IQGAP1: variants seen among roughly 807,000 people sequenced by gnomAD.
The protein encoded by IQGAP1 is IQ motif containing GTPase activating protein 1, also known as ras GTPase-activating-like protein IQGAP1.
In IQGAP1, 66 loss-of-function variants were observed where a neutral mutation model predicts 215.6. The ratio of observed to expected loss-of-function variants is 0.31; its 90% CI spans 0.25 to 0.38. The LOEUF is 0.38. IQGAP1 is among the 10% of genes least tolerant of loss of function. IQGAP1 has a pLI of 1.00. For synonymous variants in IQGAP1, 772 were observed against 728.7 expected (o/e 1.06, Z -0.96); for missense variants, 1,712 against 1,997.1 (o/e 0.86, Z 2.72).
At chr15:90,486,301 A>G (rs1966125799) in intron 31 of IQGAP1, 169 bp downstream of exon 31, 1 of 543,614 alleles carries the variant, frequency 1.8e-6, no homozygotes, top group South Asian at 2.4e-5. Context: ...AACAACAACA[A>G]AAGCCCAGAT....
chr15:90,416,814 T>G (rs1028725966), intron 2 of IQGAP1, among the ~76,000 whole-genome samples: 8 of 152,146 alleles, frequency 5.3e-5, no homozygotes, highest in African/African-American at 1.9e-4. Context: ...CCTGACCTCA[T>G]GATCCACCTG....
intron 2 of IQGAP1, 136 bp from the exon 3 acceptor site, chr15:90,425,974 G>A: frequency 1.3e-6 from 1 of 786,760 alleles, no homozygotes; most frequent in Non-Finnish European, 1.9e-6. Flanking sequence ...AAGGATGTGT[G>A]TGGAACTGAT....
At chr15:90,401,960 T>C (rs755070992) in intron 2 of IQGAP1, among the ~76,000 whole-genome samples, 3 of 152,210 alleles carry the variant, frequency 2.0e-5, no homozygotes, top group East Asian at 3.9e-4. Flanking sequence ...AGGTCATATA[T>C]TGGAATTCAA....
In IQGAP1 at chr15:90,454,481, A is replaced by G; in HGVS notation, c.1541A>G (p.Glu514Gly). 1.9e-6 allele frequency: 3 copies of G among 1,612,252 alleles called. No homozygotes were observed. Among genetic ancestry groups the G allele is most frequent in the Non-Finnish European group, 2.5e-6 (3 of 1,179,354 alleles). ...GCTCAGGCACATGCAGAGAATAATG[A>G]ATTCATTACATGGAATGATATCCAA... ...LKAQAHAENNEFITWNDIQAC... is the reference protein window; with the variant it reads ...LKAQAHAENNGFITWNDIQAC... The change falls in exon 14 of 38, where the codon GAA becomes GGA. Residue 514 changes from glutamate (E) to glycine (G), a missense_variant. Physicochemically the swap from Glu to Gly is moderately conservative, Grantham distance 98. Coordinates refer to ENST00000268182, the MANE Select transcript of IQGAP1 (RefSeq NM_003870.4).
intron 22 of IQGAP1, 101 bp downstream of exon 22, chr15:90,474,234 T>C (rs1297371333): frequency 9.1e-7 from 1 of 1,101,892 alleles, no homozygotes; most frequent in Non-Finnish European, 1.3e-6. Flanking sequence ...AAGGCAAGGC[T>C]TGGGGGAGAG....
Position 90,454,451 on chromosome 15 carries a change from T to C in IQGAP1, c.1511T>C (p.Leu504Pro). 1 of 1,613,758 alleles carries C rather than the reference T, an allele frequency of 6.2e-7. No individual in the cohort carries two copies. Among genetic ancestry groups the C allele is most frequent in the Non-Finnish European group, 8.5e-7 (1 of 1,179,818 alleles). ...CQRYLDELMK[L>P]KAQAHAENNE... Reference sequence around the variant, plus strand: ...AGGTATCTCGATGAGTTGATGAAACTGAAGGCTCAGGCACATGCAGAGAAT... The same window carrying C: ...AGGTATCTCGATGAGTTGATGAAACCGAAGGCTCAGGCACATGCAGAGAAT... The change falls in exon 14 of 38, where the codon CTG becomes CCG. Residue 504 changes from leucine (L) to proline (P), a missense_variant. Around this residue, in one of 2 missense-constraint regions of IQGAP1, gnomAD observed 1,021 missense variants for 1,074.2 expected, o/e 0.95. Coordinates refer to ENST00000268182, the MANE Select transcript of IQGAP1 (RefSeq NM_003870.4).
intron 11 of IQGAP1, 111 bp from the exon 12 acceptor site, chr15:90,452,664 C>A (rs769530768): frequency 7.0e-6 from 9 of 1,282,704 alleles, no homozygotes; most frequent in African/African-American, 4.5e-5. Context: ...CCACTTCAAA[C>A]TTCATGGCTG....
chr15:90,450,582 A>T (rs1376717883), intron 11 of IQGAP1, among the ~76,000 whole-genome samples: 1 of 151,636 alleles, frequency 6.6e-6, no homozygotes, highest in Non-Finnish European at 1.5e-5. Context: ...ACAGTGTATG[A>T]GCCCTTTCTC....
At chr15:90,464,664 CA>C (rs1965806133) in intron 15 of IQGAP1, among the ~76,000 whole-genome samples, 1 of 152,062 alleles carries the variant, frequency 6.6e-6, no homozygotes, top group East Asian at 1.9e-4. Flanking sequence ...TCCTGGCTAA[CA>C]TGGTGAAACC....
At chr15:90,466,599 T>C (rs1400005577) in intron 17 of IQGAP1, among the ~76,000 whole-genome samples, 163 bp downstream of exon 17, 1 of 145,810 alleles carries the variant, frequency 6.9e-6, no homozygotes, top group Non-Finnish European at 1.5e-5. Flanking sequence ...TTTGAAAATA[T>C]CCTTCCCCCC....
intron 23 of IQGAP1, chr15:90,475,584 C>T (rs912618150): frequency 4.0e-5 from 6 of 151,608 alleles, no homozygotes; most frequent in Non-Finnish European, 8.8e-5. Context: ...AACCCTGTCT[C>T]TACTAAAAAT....
At chr15:90,493,669 C>T (rs1402569692) in intron 35 of IQGAP1, among the ~76,000 whole-genome samples, 1 of 152,212 alleles carries the variant, frequency 6.6e-6, no homozygotes, top group Non-Finnish European at 1.5e-5. Flanking sequence ...TTCCCTGGCT[C>T]TTGCATGTCC....
intron 37 of IQGAP1, among the ~76,000 whole-genome samples, chr15:90,498,424 T>G (rs1326913133): frequency 6.6e-6 from 1 of 152,158 alleles, no homozygotes; most frequent in Non-Finnish European, 1.5e-5. Context: ...TAATTTAAAA[T>G]TTTTTATTTA....
chr15:90,466,603 TC>T (rs372502355), intron 17 of IQGAP1, among the ~76,000 whole-genome samples, 167 bp downstream of exon 17: 4,887 of 143,298 alleles, frequency 0.034, 236 homozygotes, highest in African/African-American at 0.11. Flanking sequence ...AAAATATCCT[TC>T]CCCCCCCCCT....
At chr15:90,455,628 A>C (rs979925171) in intron 14 of IQGAP1, among the ~76,000 whole-genome samples, 2 of 152,228 alleles carry the variant, frequency 1.3e-5, no homozygotes, top group Non-Finnish European at 2.9e-5. Context: ...GAAATATTCA[A>C]CTGACTTGGT....
At chr15:90,435,042 A>G (rs1037408702) in intron 5 of IQGAP1, among the ~76,000 whole-genome samples, 138 of 152,336 alleles carry the variant, frequency 9.1e-4, no homozygotes, top group African/African-American at 3.1e-3. Flanking sequence ...ACTGATCTAT[A>G]AGAAGACTAT....
intron 35 of IQGAP1, among the ~76,000 whole-genome samples, chr15:90,493,514 A>C (rs1966234221): frequency 6.6e-6 from 1 of 152,208 alleles, no homozygotes; most frequent in South Asian, 2.1e-4. Context: ...AGCAGGTTTT[A>C]CTTGCAGGGT....
chr15:90,499,734 A>G (rs1596297610), intron 37 of IQGAP1, among the ~76,000 whole-genome samples: 1 of 152,230 alleles, frequency 6.6e-6, no homozygotes, highest in Non-Finnish European at 1.5e-5. Flanking sequence ...GAATTTTGAT[A>G]TGAACAACAT....
rs556094339 is a variant in IQGAP1, at chr15:90,391,013, A to G, written c.155+140A>G. ...CGTTGGGAGGCCGAGGTGGGGGGGA[A>G]TCACTTGAACCCAGCTGTTTGAGAC... On this transcript the variant is annotated intron_variant, in intron 2 of 37. Coordinates refer to ENST00000268182, the MANE Select transcript of IQGAP1 (RefSeq NM_003870.4). 1.3e-4 allele frequency: 81 copies of G among 604,702 alleles called. 1 individual carries two copies. In the Admixed American group the frequency reaches 1.4e-3, roughly 11 times the overall value. The allele number at this position is 604,702 out of a possible 1,614,324, so 37.5% of individuals were successfully genotyped here.
Sources: allele counts gnomAD v4.1 joint callset (sites outside exome capture counted in the v4.1 genomes callset), GRCh38; gene constraint gnomAD v4.1.1; regional missense constraint gnomAD v4.1.1; transcripts MANE v1.5; gene names NCBI Gene and HGNC (gene_info 2026-07-23, HGNC 2026-07-21).